Variants in F8 observed in about 807,000 individuals in gnomAD.
The protein encoded by F8 is coagulation factor VIII, also known as antihemophilic factor.
In F8, 12 loss-of-function variants were observed where a neutral mutation model predicts 140.6. The ratio of observed to expected loss-of-function variants is 0.09; its 90% CI spans 0.05 to 0.14. The LOEUF is 0.14. F8 is among the 10% of genes least tolerant of loss of function. The pLI is 1.00. For missense variants in F8, 1,354 were observed against 1,720.7 expected (o/e 0.79, Z 3.77); for synonymous variants, 585 against 614.6 (o/e 0.95, Z 0.71).
At chrX:155,000,235 C>A (rs782773286) in intron 1 of F8, among the ~76,000 whole-genome samples, 3 of 112,387 alleles carry the variant, frequency 2.7e-5, no homozygotes, top group Non-Finnish European at 5.6e-5. Context: ...TCTCTCCCTG[C>A]ATGACAGTTT....
chrX:154,839,561 A>C (rs782449693), intron 25 of F8, among the ~76,000 whole-genome samples: 2 of 109,691 alleles, frequency 1.8e-5, no homozygotes, highest in East Asian at 5.9e-4. Context: ...ATGGGGTTTC[A>C]CTGTGTTAGC....
chrX:154,994,409 T>C (rs1348033106), intron 3 of F8, among the ~76,000 whole-genome samples: 3 of 112,341 alleles, frequency 2.7e-5, no homozygotes, highest in African/African-American at 9.7e-5. Flanking sequence ...ATTTTCTTAA[T>C]TGCCTCAAAG....
intron 6 of F8, among the ~76,000 whole-genome samples, chrX:154,979,954 C>T (rs1254171591): frequency 3.6e-5 from 4 of 111,565 alleles, no homozygotes; most frequent in Non-Finnish European, 5.7e-5. Flanking sequence ...TGCAAGAGTC[C>T]TTGGTGAAAA....
intron 18 of F8, 26 bp from the exon 19 acceptor site, chrX:154,902,193 A>G (rs1229919839): frequency 1.0e-5 from 11 of 1,048,908 alleles, no homozygotes; most frequent in Non-Finnish European, 1.5e-5. Context: ...AGGAACAGAA[A>G]TTATTTCTTT....
chrX:155,006,879 G>A (rs1314183486), intron 1 of F8, among the ~76,000 whole-genome samples: 3 of 55,885 alleles, frequency 5.4e-5, no homozygotes, highest in African/African-American at 1.4e-4. Flanking sequence ...ACAGGATCTC[G>A]CAGCAGATTG....
chrX:154,994,816 C>T (rs1361694175), intron 3 of F8, among the ~76,000 whole-genome samples: 1 of 111,570 alleles, frequency 9.0e-6, no homozygotes, highest in East Asian at 2.8e-4. Flanking sequence ...ATTATTTTGG[C>T]GCCATACAAA....
At chrX:154,892,145 G>T (rs1557275216) in intron 22 of F8, among the ~76,000 whole-genome samples, 2 of 111,855 alleles carry the variant, frequency 1.8e-5, no homozygotes, top group Non-Finnish European at 3.8e-5. Flanking sequence ...GTGGAGTTAA[G>T]CATTTAATTG....
intron 25 of F8, among the ~76,000 whole-genome samples, chrX:154,841,208 C>CTTTTTTTTTTTTT (rs1168917544): frequency 2.9e-4 from 14 of 48,653 alleles, no homozygotes; most frequent in East Asian, 1.3e-3. Flanking sequence ...TTGCTTTCTT[C>CTTTTTTTTTTTTT]TTTTTTTTTT....
intron 13 of F8, among the ~76,000 whole-genome samples, chrX:154,936,274 T>C (rs890495146): frequency 9.0e-6 from 1 of 111,395 alleles, no homozygotes; most frequent in Non-Finnish European, 1.9e-5. Context: ...ATAAAGACTT[T>C]TCAGAGAAGC....
At chrX:154,963,845 CTT>C (rs1337645426) in intron 9 of F8, among the ~76,000 whole-genome samples, 2 of 103,054 alleles carry the variant, frequency 1.9e-5, no homozygotes. Context: ...TATATTGTTA[CTT>C]TTTTTTTTTT....
intron 21 of F8, 44 bp downstream of exon 21, chrX:154,899,822 G>T: frequency 9.1e-7 from 1 of 1,101,413 alleles, no homozygotes; most frequent in Admixed American, 2.2e-5. Flanking sequence ...TAATGCAATT[G>T]ATTGAATGTG....
At chrX:154,863,487 A>C (rs2072710022) in intron 22 of F8, among the ~76,000 whole-genome samples, 1 of 111,732 alleles carries the variant, frequency 8.9e-6, no homozygotes, top group Non-Finnish European at 1.9e-5. Context: ...TAAAAGGCTC[A>C]TAAAAGTTGA....
intron 9 of F8, among the ~76,000 whole-genome samples, chrX:154,964,356 A>G (rs2124103240): frequency 8.9e-6 from 1 of 112,304 alleles, no homozygotes; most frequent in Non-Finnish European, 1.9e-5. Flanking sequence ...AAAATTATAC[A>G]ATCTTCAAAA....
At chrX:154,983,425 TA>T (rs782297839) in intron 6 of F8, among the ~76,000 whole-genome samples, 2 of 111,808 alleles carry the variant, frequency 1.8e-5, no homozygotes, top group Non-Finnish European at 3.8e-5. Context: ...ATGTGGGAGC[TA>T]AAAGAGTGGA....
At chrX:154,993,210 C>G in intron 3 of F8, 62 bp from the exon 4 acceptor site, 1 of 957,189 alleles carries the variant, frequency 1.0e-6, no homozygotes, top group Non-Finnish European at 1.5e-6. Context: ...AGAAACATGT[C>G]AAGTTTATTG....
chrX:154,851,374 A>C (rs1446023877), intron 25 of F8, among the ~76,000 whole-genome samples: 1 of 111,885 alleles, frequency 8.9e-6, no homozygotes, highest in Non-Finnish European at 1.9e-5. Flanking sequence ...TTTTTGTTAG[A>C]GTGCCTGCTT....
chrX:154,983,244 C>A (rs782795961), intron 6 of F8, among the ~76,000 whole-genome samples: 76 of 111,864 alleles, frequency 6.8e-4, no homozygotes, highest in Non-Finnish European at 1.1e-3. Context: ...TTTTAAGTTT[C>A]TTTTTATTGA....
intron 21 of F8, 138 bp downstream of exon 21, chrX:154,899,728 C>T: frequency 1.7e-6 from 1 of 572,204 alleles, no homozygotes; most frequent in South Asian, 2.7e-5. Context: ...TTGTTCATGA[C>T]TGCTTTTGTA....
intron 14 of F8, among the ~76,000 whole-genome samples, chrX:154,924,905 G>A (rs112215332): frequency 0.01 from 1,133 of 111,885 alleles, 15 homozygotes; most frequent in African/African-American, 0.035. Flanking sequence ...ACAAGGCACC[G>A]ACTCCCTAGG....
Sources: gnomAD v4.1 joint callset for allele counts (sites outside exome capture counted in the v4.1 genomes callset) on GRCh38, gnomAD v4.1.1 for gene constraint, MANE v1.5 for transcripts, NCBI Gene and HGNC (gene_info 2026-07-23, HGNC 2026-07-21) for gene names.